The following ADARB1 variants were observed in gnomAD, a reference collection of about 807,000 sequenced individuals.
ADARB1 encodes the protein double-stranded RNA-specific editase 1.
A neutral mutation model predicts 52.4 loss-of-function variants in ADARB1; 10 were observed. That is an observed-to-expected ratio of 0.19 (90% confidence interval 0.12 to 0.32). The LOEUF (loss-of-function observed/expected upper bound fraction) is 0.32. ADARB1 is among the 10% of genes least tolerant of loss of function. The probability of loss-of-function intolerance (pLI) is 1.00; values close to 1 mark genes in which losing one functional copy is unlikely to be tolerated. For synonymous variants in ADARB1, 349 were observed against 371.1 expected (o/e 0.94, Z 0.68); for missense variants, 643 against 922.3 (o/e 0.70, Z 3.92).
At chr21:45,164,107 CCT>C (rs1555904930) in intron 2 of ADARB1, among the ~76,000 whole-genome samples, 2 of 152,142 alleles carry the variant, frequency 1.3e-5, no homozygotes, top group Non-Finnish European at 2.9e-5. Flanking sequence ...AACACATGGC[CCT>C]GTTTTAAAGA....
chr21:45,119,628 T>C (rs185878395), intron 1 of ADARB1, among the ~76,000 whole-genome samples: 57 of 152,364 alleles, frequency 3.7e-4, no homozygotes, highest in African/African-American at 1.3e-3. Context: ...CTTGATGGTG[T>C]GTTGCAAGTT....
chr21:45,097,236 G>A (rs1165548605), intron 1 of ADARB1, among the ~76,000 whole-genome samples: 1 of 152,034 alleles, frequency 6.6e-6, no homozygotes, highest in Non-Finnish European at 1.5e-5. Flanking sequence ...CTTCTCTTTG[G>A]TAACAGGACA....
chr21:45,085,416 T>C (rs2086301431), intron 1 of ADARB1, among the ~76,000 whole-genome samples: 1 of 152,214 alleles, frequency 6.6e-6, no homozygotes, highest in Non-Finnish European at 1.5e-5. Flanking sequence ...GCATAAATAG[T>C]GTGAAGTCGA....
At chr21:45,099,253 G>T (rs539254741) in intron 1 of ADARB1, among the ~76,000 whole-genome samples, 47 of 152,316 alleles carry the variant, frequency 3.1e-4, no homozygotes, top group African/African-American at 1.1e-3. Flanking sequence ...TTTCCTGTGG[G>T]AGAGCAGCAA....
In ADARB1 at chr21:45,189,299, A is replaced by G. The variant is rs183658914; in HGVS notation, c.1565+4208A>G. Reference sequence around the variant, plus strand: ...GGTTACCATTGCAATTACATAAGACATCTTTAAATTATAGCATTCTATTTT... The same window carrying G: ...GGTTACCATTGCAATTACATAAGACGTCTTTAAATTATAGCATTCTATTTT... On this transcript the variant is annotated intron_variant, in intron 8 of 10. Transcript: ENST00000348831. Among the ~76,000 whole-genome samples, 411 of 152,286 alleles carry G rather than the reference A, an allele frequency of 2.7e-3. 1 individual carries two copies. Among genetic ancestry groups the G allele is most frequent in the Admixed American group, 0.011 (171 of 15,294 alleles).
chr21:45,189,199 TA>T lies in ADARB1; in HGVS notation c.1565+4109del, dbSNP rs201709063. On this transcript the variant is annotated intron_variant, in intron 8 of 10. Coordinates refer to ENST00000348831, the MANE Select transcript of ADARB1 (RefSeq NM_001112.4). ...ATATCTATAGGATTCTCATTTATTTTATTTTTTCCTTTTGTCTCCGTGGGGT... is the reference window on the plus strand; with the variant it reads ...ATATCTATAGGATTCTCATTTATTTTTTTTTTCCTTTTGTCTCCGTGGGGT... Among the ~76,000 whole-genome samples the T allele has an allele frequency of 2.6e-4, 40 of 151,538 alleles. 1 individual carries two copies. The highest frequency in any genetic ancestry group is 8.3e-4 in the South Asian group (4 of 4,802).
chr21:45,149,921 A>G (rs141942190), intron 2 of ADARB1, among the ~76,000 whole-genome samples: 23 of 152,338 alleles, frequency 1.5e-4, no homozygotes, highest in African/African-American at 5.5e-4. Flanking sequence ...CACGAAGTCT[A>G]AAGTACTTAC....
intron 1 of ADARB1, among the ~76,000 whole-genome samples, chr21:45,112,263 A>G (rs1433441294): frequency 2.0e-5 from 3 of 152,200 alleles, no homozygotes; most frequent in Non-Finnish European, 2.9e-5. Flanking sequence ...CCTGAAAATG[A>G]TAGAAATTGA....
intron 1 of ADARB1, among the ~76,000 whole-genome samples, chr21:45,083,233 G>A (rs959943685): frequency 6.6e-6 from 1 of 152,124 alleles, no homozygotes; most frequent in Non-Finnish European, 1.5e-5. Flanking sequence ...TTTTTCTGTT[G>A]GTAGTAAGTA....
chr21:45,114,076 A>T (rs2087699549), intron 1 of ADARB1, among the ~76,000 whole-genome samples: 1 of 152,230 alleles, frequency 6.6e-6, no homozygotes, highest in Non-Finnish European at 1.5e-5. Context: ...CATACTCTAC[A>T]TACCAATCAG....
rs561553062 is a variant in ADARB1 at position 45,159,198 on chromosome 21, G to C, written c.-47-12412G>C. Among the ~76,000 whole-genome samples, 28 of 152,280 alleles carry C rather than the reference G, an allele frequency of 1.8e-4. No homozygotes were observed. In the East Asian group the frequency reaches 5.2e-3, roughly 28 times the overall value. ...CAGAGGCCTCTCAATCATGACGGAA[G>C]ATGAAGGAGGAACAAAGGGACGTCT... On this transcript the variant is annotated intron_variant, in intron 2 of 10. Transcript: ENST00000348831.
intron 2 of ADARB1, among the ~76,000 whole-genome samples, chr21:45,139,434 G>A (rs116043444): frequency 2.0e-4 from 31 of 152,046 alleles, no homozygotes; most frequent in African/African-American, 6.3e-4. Context: ...TTTTGGTTCC[G>A]TTTTCTCTTT....
At position 45,113,194 on chromosome 21, in the gene ADARB1, G is replaced by T. The variant is rs182862165; in HGVS notation, c.-219-15208G>T. Among the ~76,000 whole-genome samples the T allele has an allele frequency of 5.4e-3, 826 of 152,264 alleles. 7 individuals carry two copies. The highest frequency in any genetic ancestry group is 6.5e-3 in the Non-Finnish European group (442 of 68,018). Reference sequence around the variant, plus strand: ...AATTCCAGCACTTTGGGAGGCCGAGGTGGGTGGATCACAAGGTCAGGAGTT... The same window carrying T: ...AATTCCAGCACTTTGGGAGGCCGAGTTGGGTGGATCACAAGGTCAGGAGTT... On this transcript the variant is annotated intron_variant, in intron 1 of 10. Coordinates refer to ENST00000348831, the MANE Select transcript of ADARB1 (RefSeq NM_001112.4).
At chr21:45,105,239 T>C (rs2087196958) in intron 1 of ADARB1, among the ~76,000 whole-genome samples, 1 of 152,138 alleles carries the variant, frequency 6.6e-6, no homozygotes, top group Non-Finnish European at 1.5e-5. Context: ...TAGCTGGGAT[T>C]ACAGGTGCCC....
At chr21:45,198,549 G>T (rs2092479171) in intron 8 of ADARB1, among the ~76,000 whole-genome samples, 1 of 151,564 alleles carries the variant, frequency 6.6e-6, no homozygotes, top group Non-Finnish European at 1.5e-5. Flanking sequence ...AATAAATTAA[G>T]AAAATAGAAG....
rs1025067119 is a variant in ADARB1, at chr21:45,226,224, C to G, written c.*4027C>G. ...CATAAGCTGATGGTATGTAAGGAAC[C>G]GATGGGCCATTAAACATGAACTGAA... On this transcript the variant is annotated 3_prime_UTR_variant, in exon 11 of 11. Transcript: ENST00000348831. 6.6e-6 allele frequency: 1 copy of G among 152,444 alleles called. No homozygotes were observed. The highest frequency in any genetic ancestry group is 1.5e-5 in the Non-Finnish European group (1 of 68,048). The allele number at this position is 152,444 out of a possible 1,614,324, so 9.4% of individuals were successfully genotyped here.
At chr21:45,183,653 A>G (rs2092002761) in intron 7 of ADARB1, 143 bp downstream of exon 7, 3 of 997,478 alleles carry the variant, frequency 3.0e-6, no homozygotes, top group Non-Finnish European at 2.8e-6. Context: ...CTATAAAAGC[A>G]TGGATTTTTT....
intron 2 of ADARB1, among the ~76,000 whole-genome samples, chr21:45,152,259 T>TG (rs1324851200): frequency 2.8e-5 from 4 of 144,522 alleles, no homozygotes; most frequent in African/African-American, 1.0e-4. Context: ...TAAACAGGAC[T>TG]TTGGTACGTC....
At chr21:45,127,488 C>T (rs74428766) in intron 1 of ADARB1, among the ~76,000 whole-genome samples, 3,548 of 152,270 alleles carry the variant, frequency 0.023, 70 homozygotes, top group Middle Eastern at 0.065. Flanking sequence ...TCCCAGCAGA[C>T]GAGCTGACGT....
Sources: gnomAD v4.1 joint callset for allele counts (sites outside exome capture counted in the v4.1 genomes callset) on GRCh38, gnomAD v4.1.1 for gene constraint, MANE v1.5 for transcripts, NCBI Gene and HGNC (gene_info 2026-07-23, HGNC 2026-07-21) for gene names.